SP140L: variants seen among roughly 807,000 people sequenced by gnomAD.
SP140L encodes the protein SP140 like nuclear body protein, also known as nuclear body protein SP140-like protein.
In SP140L, 64 loss-of-function variants were observed where a neutral mutation model predicts 84.3. That is an observed-to-expected ratio of 0.76 (90% CI 0.62 to 0.94). SP140L has a LOEUF of 0.94. Among genes scored for constraint, SP140L ranks in the 40% least tolerant of loss-of-function variants. SP140L has a pLI of 0.00. For missense variants in SP140L, 628 were observed against 692.5 expected, an observed-to-expected ratio of 0.91 and a Z score of 1.05; for synonymous variants, 242 against 236.9, an observed-to-expected ratio of 1.02 and a Z score of -0.20.
Position 230,328,767 on chromosome 2 carries a change from G to T in SP140L, c.43G>T (p.Gly15Ter), listed in dbSNP as rs756373352. Residue 15 changes from glycine to a stop codon, truncating the protein, a stop_gained, in exon 2 of 19, where the codon GGA becomes TGA. Transcript: ENST00000415673. LOFTEE classifies it high-confidence loss of function. The part of the protein sequence containing the change: ...GSDLSTRGLN[G>*]GVSQVANEMN... ...AAATTGTCTTTTTAGGGGGCTGAAC[G>T]GAGGTGTTTCACAAGTAGCAAATGA... 1 of 1,612,678 alleles carries T rather than the reference G, an allele frequency of 6.2e-7. No homozygotes were observed. The highest frequency in any genetic ancestry group is 1.1e-5 in the South Asian group (1 of 90,846).
chr2:230,397,038 A>T (rs2062082955), intron 14 of SP140L, among the ~76,000 whole-genome samples: 2 of 152,152 alleles, frequency 1.3e-5, no homozygotes, highest in African/African-American at 4.8e-5. Context: ...TTACTTCCTT[A>T]TTCCCTTGGG....
At position 230,377,241 on chromosome 2, in the gene SP140L, C is replaced by T. The variant is rs1314320937; in HGVS notation, c.637+5590C>T. ...ACGTTGTCCAGGATGGCCTCAAACT[C>T]CTGAGCAAGTGATCCTCATGCCTCA... On this transcript the variant is annotated intron_variant, in intron 7 of 18. Coordinates refer to ENST00000415673, the MANE Select transcript of SP140L (RefSeq NM_138402.6). Among the ~76,000 whole-genome samples the T allele has an allele frequency of 4.1e-5, 3 of 72,514 alleles. No individual in the cohort carries two copies. In the East Asian group the frequency reaches 6.9e-4, roughly 17 times the overall value. The allele number at this position is 72,514 out of a possible 152,430, so 47.6% of individuals were successfully genotyped here. A position where few individuals can be genotyped will look rare whatever the true frequency, so the allele number is the denominator to read the frequency against.
At chr2:230,376,858 T>A (rs1230901133) in intron 7 of SP140L, among the ~76,000 whole-genome samples, 1 of 152,064 alleles carries the variant, frequency 6.6e-6, no homozygotes, top group Non-Finnish European at 1.5e-5. Flanking sequence ...AGTGCTGGCA[T>A]AAAAACACAC....
intron 2 of SP140L, among the ~76,000 whole-genome samples, chr2:230,333,522 T>C (rs1261581031): frequency 6.6e-6 from 1 of 152,174 alleles, no homozygotes; most frequent in Non-Finnish European, 1.5e-5. Context: ...ACTTTCTGGC[T>C]CATCTCTTTA....
intron 7 of SP140L, among the ~76,000 whole-genome samples, chr2:230,382,037 C>A (rs111773545): frequency 9.2e-5 from 14 of 152,132 alleles, no homozygotes. Flanking sequence ...CAGTTCTGTT[C>A]GTTGTGTCCA....
intron 7 of SP140L, among the ~76,000 whole-genome samples, chr2:230,379,719 A>G (rs1968340): frequency 0.71 from 107,895 of 151,984 alleles, 38,884 homozygotes; most frequent in South Asian, 0.76. Context: ...TTTTTAGCTA[A>G]GTTAAAAATT....
chr2:230,393,464 G>A lies in SP140L; in HGVS notation c.1155+3G>A. The A allele has an allele frequency of 6.4e-7, 1 of 1,568,972 alleles. No homozygotes were observed. Among genetic ancestry groups the A allele is most frequent in the Non-Finnish European group, 8.6e-7 (1 of 1,160,044 alleles). The stretch of plus-strand genomic sequence containing the variant: ...GAATATATTACAGGAACAAAAAGGT[G>A]ATTATTACATAATTTTCTACAGATT... On this transcript the variant is annotated splice_donor_region_variant and intron_variant, in intron 13 of 18. Coordinates refer to ENST00000415673, the MANE Select transcript of SP140L (RefSeq NM_138402.6).
intron 5 of SP140L, among the ~76,000 whole-genome samples, chr2:230,370,244 G>A (rs2061019443): frequency 6.6e-6 from 1 of 152,184 alleles, no homozygotes; most frequent in African/African-American, 2.4e-5. Flanking sequence ...GATTATTGGA[G>A]CGGGTATATT....
At chr2:230,400,068 G>A in intron 14 of SP140L, 59 bp from the exon 15 acceptor site, 2 of 1,584,032 alleles carry the variant, frequency 1.3e-6, no homozygotes, top group South Asian at 1.1e-5. Flanking sequence ...GATGCCCAGA[G>A]GGGTGGCCTT....
chr2:230,327,359 G>A, intron 1 of SP140L, 58 bp downstream of exon 1: 1 of 1,571,474 alleles, frequency 6.4e-7, no homozygotes, highest in Admixed American at 1.8e-5. Context: ...GAGCTTTCAT[G>A]CCTGTAGTTC....
intron 12 of SP140L, 24 bp from the exon 13 acceptor site, chr2:230,393,389 GT>G (rs2061907770): frequency 5.1e-6 from 8 of 1,575,236 alleles, no homozygotes; most frequent in Non-Finnish European, 6.9e-6. Context: ...GGCTGACTAT[GT>G]ACCTTGGTCT....
rs2149840195 is a variant in SP140L at position 230,403,157 on chromosome 2, C to A, written c.*261C>A. ...CAGCACAGACAGACTCTCACCTCTT[C>A]TCCTGAGGTCTGCTCCAGACAACAT... On this transcript the variant is annotated 3_prime_UTR_variant, in exon 19 of 19. Coordinates refer to ENST00000415673, the MANE Select transcript of SP140L (RefSeq NM_138402.6). The A allele has an allele frequency of 2.6e-6, 1 of 379,868 alleles. No homozygotes were observed. The highest frequency in any genetic ancestry group is 4.7e-6 in the Non-Finnish European group (1 of 214,452). The allele number at this position is 379,868 out of a possible 1,614,324, so 23.5% of individuals were successfully genotyped here.
At chr2:230,347,533 A>T (rs2060245205) in intron 2 of SP140L, among the ~76,000 whole-genome samples, 1 of 151,748 alleles carries the variant, frequency 6.6e-6, no homozygotes, top group Admixed American at 6.6e-5. Flanking sequence ...CTCAGTTGGG[A>T]GGTGTCCTTG....
chr2:230,387,176 G>A (rs1466745427), intron 9 of SP140L, among the ~76,000 whole-genome samples: 1 of 152,184 alleles, frequency 6.6e-6, no homozygotes, highest in Non-Finnish European at 1.5e-5. Context: ...CATGCGTCTT[G>A]GAGAACCACA....
At chr2:230,361,837 T>A (rs1230998114) in intron 5 of SP140L, 140 bp downstream of exon 5, 1 of 640,338 alleles carries the variant, frequency 1.6e-6, no homozygotes, top group Non-Finnish European at 2.7e-6. Flanking sequence ...AAGGAGGGGG[T>A]TGTATGAGCT....
intron 2 of SP140L, among the ~76,000 whole-genome samples, chr2:230,347,826 C>A (rs965909089): frequency 1.3e-5 from 2 of 152,194 alleles, no homozygotes; most frequent in African/African-American, 4.8e-5. Flanking sequence ...TGCTCCCTGG[C>A]CAAATAGGGT....
At chr2:230,333,381 A>G (rs937990754) in intron 2 of SP140L, among the ~76,000 whole-genome samples, 1 of 152,210 alleles carries the variant, frequency 6.6e-6, no homozygotes, top group East Asian at 1.9e-4. Context: ...GAAGGTCTCA[A>G]TCTCTTGACC....
At chr2:230,395,443 T>A (rs1344068123) in intron 13 of SP140L, among the ~76,000 whole-genome samples, 1 of 152,020 alleles carries the variant, frequency 6.6e-6, no homozygotes, top group African/African-American at 2.4e-5. Flanking sequence ...ACCCAGGCAT[T>A]GTGGTGCATA....
intron 2 of SP140L, among the ~76,000 whole-genome samples, chr2:230,348,991 C>T (rs10206500): frequency 0.09 from 13,749 of 152,238 alleles, 1,078 homozygotes; most frequent in African/African-American, 0.2. Context: ...GCACAGGATG[C>T]ATGCTCATGA....
Sources: gnomAD v4.1 joint callset for allele counts (sites outside exome capture counted in the v4.1 genomes callset) on GRCh38, gnomAD v4.1.1 for gene constraint, MANE v1.5 for transcripts, NCBI Gene and HGNC (gene_info 2026-07-23, HGNC 2026-07-21) for gene names.